SPOCK3: variants seen among roughly 807,000 people sequenced by gnomAD.
The protein encoded by SPOCK3 is SPARC (osteonectin), cwcv and kazal like domains proteoglycan 3, also known as testican-3.
A neutral mutation model predicts 56.6 loss-of-function variants in SPOCK3; 30 were observed. The ratio of observed to expected loss-of-function variants is 0.53; its 90% CI spans 0.40 to 0.72. The LOEUF (loss-of-function observed/expected upper bound fraction) is 0.72, where lower values mean the gene tolerates loss of function less well. Ranked by LOEUF, SPOCK3 falls within the 30% of genes least tolerant of loss-of-function variation. The pLI, the probability that SPOCK3 is intolerant of heterozygous loss-of-function variation, is 0.00. For synonymous variants in SPOCK3, 196 were observed against 183.3 expected, an observed-to-expected ratio of 1.07 and a Z score of -0.56; for missense variants, 527 against 530.0, an observed-to-expected ratio of 0.99 and a Z score of 0.06.
At position 167,206,174 on chromosome 4, in the gene SPOCK3, A is replaced by T. The variant is rs569721144; in HGVS notation, c.189+27811T>A. On this transcript the variant is annotated intron_variant, in intron 2 of 10. Coordinates refer to ENST00000357545, the MANE Select transcript of SPOCK3 (RefSeq NM_001040159.2). ...TTCCATCTCTAGTAAAAATACAAAAATTAGCTGAGCATGGTGGTATGCACC... is the reference window on the plus strand; with the variant it reads ...TTCCATCTCTAGTAAAAATACAAAATTTAGCTGAGCATGGTGGTATGCACC... 4.1e-4 allele frequency among the ~76,000 whole-genome samples: 63 copies of T among 152,144 alleles called. 1 individual carries two copies. Among genetic ancestry groups the T allele is most frequent in the African/African-American group, 1.4e-3 (57 of 41,510 alleles).
At chr4:166,958,765 C>T (rs1743806230) in intron 4 of SPOCK3, among the ~76,000 whole-genome samples, 1 of 152,160 alleles carries the variant, frequency 6.6e-6, no homozygotes, top group African/African-American at 2.4e-5. Context: ...TTGTCTGTCT[C>T]CTTCTACTAG....
chr4:166,988,147 CA>C (rs1045242634), intron 4 of SPOCK3, among the ~76,000 whole-genome samples: 1 of 151,908 alleles, frequency 6.6e-6, no homozygotes, highest in African/African-American at 2.4e-5. Context: ...GCTGAGAACA[CA>C]AGCTGATGGA....
chr4:167,136,853 T>C (rs1763161419), intron 2 of SPOCK3, among the ~76,000 whole-genome samples: 1 of 151,998 alleles, frequency 6.6e-6, no homozygotes, highest in African/African-American at 2.4e-5. Flanking sequence ...ACAGTAGAAA[T>C]TTTCATGAAC....
intron 3 of SPOCK3, among the ~76,000 whole-genome samples, chr4:167,054,368 T>G (rs1754559464): frequency 6.6e-6 from 1 of 152,236 alleles, no homozygotes; most frequent in Non-Finnish European, 1.5e-5. Flanking sequence ...TTGTTTAAAA[T>G]CTTTATCATG....
intron 8 of SPOCK3, among the ~76,000 whole-genome samples, chr4:166,744,019 C>T (rs975177477): frequency 2.4e-4 from 36 of 152,182 alleles, no homozygotes; most frequent in African/African-American, 8.7e-4. Context: ...TAGACTCCAC[C>T]TCTGAGGGCA....
At chr4:167,178,087 T>C (rs1212663147) in intron 2 of SPOCK3, among the ~76,000 whole-genome samples, 2 of 152,244 alleles carry the variant, frequency 1.3e-5, no homozygotes, top group Non-Finnish European at 1.5e-5. Context: ...CTTTGGCCAT[T>C]GTGCTGTATT....
At chr4:166,851,202 G>C (rs1730030685) in intron 6 of SPOCK3, among the ~76,000 whole-genome samples, 1 of 152,132 alleles carries the variant, frequency 6.6e-6, no homozygotes, top group Non-Finnish European at 1.5e-5. Flanking sequence ...TCCCTAGCAG[G>C]GGCAGACTGA....
intron 2 of SPOCK3, among the ~76,000 whole-genome samples, chr4:167,142,524 T>A (rs1042074711): frequency 1.3e-5 from 2 of 151,934 alleles, no homozygotes; most frequent in African/African-American, 4.8e-5. Context: ...GAGAGTCACA[T>A]GACAGCAACA....
At chr4:167,089,134 T>C (rs960573709) in intron 2 of SPOCK3, among the ~76,000 whole-genome samples, 1 of 152,020 alleles carries the variant, frequency 6.6e-6, no homozygotes, top group African/African-American at 2.4e-5. Context: ...AGATTAAAAA[T>C]AAGTTTATAT....
chr4:166,946,716 T>C (rs1449242098), intron 4 of SPOCK3, among the ~76,000 whole-genome samples: 2 of 152,208 alleles, frequency 1.3e-5, no homozygotes, highest in Non-Finnish European at 2.9e-5. Flanking sequence ...TTAAAAAATA[T>C]CCTAGTTACT....
chr4:167,066,844 C>T (rs930992125), intron 2 of SPOCK3, among the ~76,000 whole-genome samples: 8 of 151,850 alleles, frequency 5.3e-5, no homozygotes, highest in Admixed American at 4.6e-4. Context: ...AAACACCACA[C>T]CCAGTATGGA....
At chr4:166,847,512 T>C (rs1157172288) in intron 6 of SPOCK3, among the ~76,000 whole-genome samples, 1 of 151,480 alleles carries the variant, frequency 6.6e-6, no homozygotes, top group Admixed American at 6.6e-5. Flanking sequence ...GGACACAGTG[T>C]TGTGATGGTA....
At chr4:166,787,999 T>G (rs924641752) in intron 7 of SPOCK3, among the ~76,000 whole-genome samples, 46 of 152,184 alleles carry the variant, frequency 3.0e-4, no homozygotes, top group African/African-American at 1.1e-3. Context: ...CTGGCCAACA[T>G]GGTGAAACCC....
At chr4:167,112,338 A>T (rs1226672037) in intron 2 of SPOCK3, among the ~76,000 whole-genome samples, 1 of 152,142 alleles carries the variant, frequency 6.6e-6, no homozygotes, top group Non-Finnish European at 1.5e-5. Context: ...AACTCCTGTC[A>T]GTTTTTTAAA....
intron 6 of SPOCK3, among the ~76,000 whole-genome samples, chr4:166,804,462 G>A (rs993963983): frequency 1.4e-4 from 21 of 152,172 alleles, no homozygotes; most frequent in Admixed American, 1.2e-3. Context: ...TTCAACATAT[G>A]ATGCAATTCA....
At chr4:166,881,365 C>A (rs111380554) in intron 6 of SPOCK3, among the ~76,000 whole-genome samples, 1,627 of 151,684 alleles carry the variant, frequency 0.011, 38 homozygotes, top group African/African-American at 0.036. Context: ...TAGTAATTAA[C>A]CAAGTGATTT....
intron 6 of SPOCK3, among the ~76,000 whole-genome samples, chr4:166,820,825 T>TA (rs1744860851): frequency 1.3e-5 from 2 of 151,720 alleles, no homozygotes; most frequent in Admixed American, 1.3e-4. Context: ...TCAAAATTTT[T>TA]AAAAAAATAA....
intron 4 of SPOCK3, among the ~76,000 whole-genome samples, chr4:166,994,040 C>T (rs1251362433): frequency 6.6e-6 from 1 of 152,062 alleles, no homozygotes; most frequent in East Asian, 1.9e-4. Flanking sequence ...CTAGTCCGTC[C>T]AGCTTCAAAT....
At chr4:166,968,286 C>T (rs1368762130) in intron 4 of SPOCK3, among the ~76,000 whole-genome samples, 1 of 152,160 alleles carries the variant, frequency 6.6e-6, no homozygotes, top group Admixed American at 6.5e-5. Context: ...ATCAAGGTGG[C>T]AGAAATTTGC....
Sources: gnomAD v4.1 joint callset for allele counts (sites outside exome capture counted in the v4.1 genomes callset) on GRCh38, gnomAD v4.1.1 for gene constraint, MANE v1.5 for transcripts, NCBI Gene and HGNC (gene_info 2026-07-23, HGNC 2026-07-21) for gene names.